Variants in ABLIM2 observed in about 807,000 individuals in gnomAD.
ABLIM2 encodes the protein actin binding LIM protein family member 2, also known as actin-binding LIM protein 2.
Under a neutral mutation model 97.7 loss-of-function variants are expected in ABLIM2, and 53 were observed. The observed-to-expected ratio is 0.54, with a 90% CI of 0.44 to 0.68. The LOEUF is 0.68. ABLIM2 is among the 30% of genes least tolerant of loss of function. ABLIM2 has a pLI of 0.00. For synonymous variants in ABLIM2, 361 were observed against 345.8 expected, an observed-to-expected ratio of 1.04 and a Z score of -0.49; for missense variants, 835 against 867.2, an observed-to-expected ratio of 0.96 and a Z score of 0.47.
In ABLIM2 at chr4:8,043,587, G is replaced by A. The variant is rs186337090; in HGVS notation, c.900+1577C>T. 3.3e-3 allele frequency among the ~76,000 whole-genome samples: 498 copies of A among 152,190 alleles called. 1 individual carries two copies. Among genetic ancestry groups the A allele is most frequent in the Non-Finnish European group, 5.5e-3 (371 of 68,004 alleles). ...TCCTTATGGGAAGAAATCAGGACCC[G>A]GATGCACACAGATGACCCGTGATGA... is the stretch of plus-strand genomic sequence containing the variant. On this transcript the variant is annotated intron_variant, in intron 9 of 20. Transcript: ENST00000447017. The surrounding 1 kb of genome is among the most constrained non-coding windows in gnomAD (Gnocchi z 4.8).
chr4:7,969,526 G>T (rs756255815), intron 20 of ABLIM2, among the ~76,000 whole-genome samples: 4 of 152,126 alleles, frequency 2.6e-5, no homozygotes, highest in Non-Finnish European at 5.9e-5. Flanking sequence ...GAAAATGGAA[G>T]TGGAGACATC....
At chr4:8,059,667 C>T (rs1049460945) in intron 7 of ABLIM2, among the ~76,000 whole-genome samples, 7 of 151,912 alleles carry the variant, frequency 4.6e-5, no homozygotes, top group African/African-American at 9.7e-5. Context: ...TTTGGGAGGC[C>T]GAGGCGGGCA....
intron 9 of ABLIM2, among the ~76,000 whole-genome samples, chr4:8,040,504 G>C (rs1255838685): frequency 6.6e-6 from 1 of 152,052 alleles, no homozygotes; most frequent in African/African-American, 2.4e-5. Context: ...TCACAGACTT[G>C]GGAGGCTGAG....
chr4:8,010,362 C>T (rs1764126781), intron 14 of ABLIM2: 20 of 985,632 alleles, frequency 2.0e-5, no homozygotes, highest in Non-Finnish European at 2.4e-5. Context: ...CACAAAAACC[C>T]GTCTCCGTCC....
rs955551308 is a variant in ABLIM2, at chr4:8,005,596, C to G, written c.1618+2463G>C. On this transcript the variant is annotated intron_variant, in intron 16 of 20. Transcript: ENST00000447017. The surrounding 1 kb of genome is among the most constrained non-coding windows in gnomAD (Gnocchi z 4.9). Reference sequence around the variant, plus strand: ...CTCCCTCTCAATCTCCATGTGCTCCCCTTCCCGCCTGGATTCCTCAGGAGG... The same window carrying G: ...CTCCCTCTCAATCTCCATGTGCTCCGCTTCCCGCCTGGATTCCTCAGGAGG... Among the ~76,000 whole-genome samples the G allele has an allele frequency of 6.6e-6, 1 of 152,176 alleles. No homozygotes were observed. Among genetic ancestry groups the G allele is most frequent in the African/African-American group, 2.4e-5 (1 of 41,454 alleles).
At chr4:7,984,697 C>T (rs563515349) in intron 18 of ABLIM2, 142 bp downstream of exon 18, 20 of 839,078 alleles carry the variant, frequency 2.4e-5, no homozygotes, top group Admixed American at 1.8e-4. Context: ...GAAACCAGCA[C>T]GCCCTCCCCC....
In ABLIM2 at chr4:8,033,129, C is replaced by T. The variant is rs542397235; in HGVS notation, c.1047+3020G>A. 1.3e-5 allele frequency among the ~76,000 whole-genome samples: 2 copies of T among 152,304 alleles called. No homozygotes were observed. Among genetic ancestry groups the T allele is most frequent in the South Asian group, 2.1e-4 (1 of 4,820 alleles). ...GCCTTTGGGTTGGAGACGGCTCTGC[C>T]GTGGGGGTCCTGGGGCCCTAGACAG... On this transcript the variant is annotated intron_variant, in intron 10 of 20. Coordinates refer to ENST00000447017, the MANE Select transcript of ABLIM2 (RefSeq NM_001130083.2). The surrounding 1 kb of genome is among the most constrained non-coding windows in gnomAD (Gnocchi z 4.5).
chr4:8,064,999 A>G (rs1424256520), intron 6 of ABLIM2, among the ~76,000 whole-genome samples: 1 of 152,212 alleles, frequency 6.6e-6, no homozygotes, highest in Non-Finnish European at 1.5e-5. Context: ...CCTGTAATCC[A>G]AGTGCTCTCA....
chr4:8,142,153 T>G (rs1266640385), intron 1 of ABLIM2, among the ~76,000 whole-genome samples: 1 of 152,224 alleles, frequency 6.6e-6, no homozygotes, highest in Non-Finnish European at 1.5e-5. Context: ...TAACCCTCTT[T>G]CCTGGATCTG....
rs190391422 is a variant in ABLIM2, at chr4:8,120,911, C to G, written c.11-14274G>C. On this transcript the variant is annotated intron_variant, in intron 1 of 20. Coordinates refer to ENST00000447017, the MANE Select transcript of ABLIM2 (RefSeq NM_001130083.2). This position sits in a 1 kb window ranked among gnomAD's most constrained non-coding sequence, Gnocchi z 5.6. Reference sequence around the variant, plus strand: ...ATGTTGACCGTCTCACGTAAGAGTACTGTACCGCAGATTGCTAGCTCAGAG... The same window carrying G: ...ATGTTGACCGTCTCACGTAAGAGTAGTGTACCGCAGATTGCTAGCTCAGAG... Among the ~76,000 whole-genome samples the G allele has an allele frequency of 7.2e-3, 1,104 of 152,352 alleles. 7 individuals are homozygous for G. Among genetic ancestry groups the G allele is most frequent in the Non-Finnish European group, 8.0e-3 (543 of 68,032 alleles).
At position 8,010,623 on chromosome 4, in the gene ABLIM2, C is replaced by T. The variant is rs534608107; in HGVS notation, c.1424-1521G>A. ...TACACTAACATCTCGTTACTCTCAA[C>T]GGCTACCTGTTTCTCCTTCTTCCAG... On this transcript the variant is annotated intron_variant, in intron 14 of 20. Transcript: ENST00000447017. The T allele has an allele frequency of 1.1e-4, 109 of 964,852 alleles. No homozygotes were observed. In the African/African-American group the frequency reaches 1.7e-3, roughly 15 times the overall value. 59.8% of individuals were successfully genotyped at this position (964,852 alleles called of 1,614,324 possible). A position where few individuals can be genotyped will look rare whatever the true frequency, so the allele number is the denominator to read the frequency against.
Position 8,120,079 on chromosome 4 carries a change from C to A in ABLIM2, c.11-13442G>T, listed in dbSNP as rs546089936. On this transcript the variant is annotated intron_variant, in intron 1 of 20. Coordinates refer to ENST00000447017, the MANE Select transcript of ABLIM2 (RefSeq NM_001130083.2). The surrounding 1 kb of genome is among the most constrained non-coding windows in gnomAD (Gnocchi z 5.6). ...CAGAGCGACAGGCACAGACGTCGGG[C>A]GGCAGGGTCCCTGGCGGCCCCCAGA... 6.6e-6 allele frequency among the ~76,000 whole-genome samples: 1 copy of A among 152,144 alleles called. No individual in the cohort carries two copies. The highest frequency in any genetic ancestry group is 2.4e-5 in the African/African-American group (1 of 41,432).
At chr4:8,156,263 G>A (rs1410991897) in intron 1 of ABLIM2, among the ~76,000 whole-genome samples, 1 of 151,718 alleles carries the variant, frequency 6.6e-6, no homozygotes, top group Non-Finnish European at 1.5e-5. Context: ...GACCACATGG[G>A]CTGCAGTGAG....
In ABLIM2 at chr4:8,097,913, C is replaced by T. The variant is rs369463683; in HGVS notation, c.155-631G>A. Among the ~76,000 whole-genome samples, 41 of 152,276 alleles carry T rather than the reference C, an allele frequency of 2.7e-4. No individual in the cohort carries two copies. In the South Asian group the frequency reaches 6.4e-3, roughly 24 times the overall value. On this transcript the variant is annotated intron_variant, in intron 2 of 20. Transcript: ENST00000447017. ...AGCCTGTGGACTCCTGAAAGGGAAG[C>T]ACTTTGTCTCTTTTCCCAACACACA...
chr4:8,144,318 G>A lies in ABLIM2; in HGVS notation c.10+14362C>T, dbSNP rs568613492. 8.5e-5 allele frequency among the ~76,000 whole-genome samples: 13 copies of A among 152,354 alleles called. No individual in the cohort carries two copies. In the East Asian group the frequency reaches 2.5e-3, roughly 29 times the overall value. ...GTCACATTTTAAGGAAGAAGAGAGAGAGACAGTTTCTAAGTCCCTTCCAGA... is the reference window on the plus strand; with the variant it reads ...GTCACATTTTAAGGAAGAAGAGAGAAAGACAGTTTCTAAGTCCCTTCCAGA... On this transcript the variant is annotated intron_variant, in intron 1 of 20. Coordinates refer to ENST00000447017, the MANE Select transcript of ABLIM2 (RefSeq NM_001130083.2).
At chr4:8,100,921 G>A (rs1365491005) in intron 2 of ABLIM2, among the ~76,000 whole-genome samples, 1 of 152,160 alleles carries the variant, frequency 6.6e-6, no homozygotes, top group Non-Finnish European at 1.5e-5. Flanking sequence ...TGAATGTGAG[G>A]AATCTGCATG....
intron 12 of ABLIM2, 54 bp downstream of exon 12, chr4:8,027,705 C>A: frequency 7.2e-7 from 1 of 1,390,532 alleles, no homozygotes; most frequent in Non-Finnish European, 9.6e-7. Flanking sequence ...AGCACACAGA[C>A]GCCGGGCGTG....
At position 8,054,308 on chromosome 4, in the gene ABLIM2, G is replaced by A; in HGVS notation, c.764-62C>T. On this transcript the variant is annotated intron_variant, in intron 7 of 20. Transcript: ENST00000447017. The surrounding 1 kb of genome is among the most constrained non-coding windows in gnomAD (Gnocchi z 4.9). ...TATTTCCCATGTTGCAGGGGCCTGT[G>A]TGGAAACGCAGAGGAGGGAGCTGGT... 1.3e-6 allele frequency: 2 copies of A among 1,571,312 alleles called. No individual in the cohort carries two copies. Among genetic ancestry groups the A allele is most frequent in the Non-Finnish European group, 1.7e-6 (2 of 1,143,884 alleles).
intron 20 of ABLIM2, among the ~76,000 whole-genome samples, chr4:7,983,009 T>C (rs13133269): frequency 0.069 from 10,564 of 152,242 alleles, 383 homozygotes; most frequent in Non-Finnish European, 0.08. Context: ...AGCCCAGAGC[T>C]CATTATTCTT....
Sources: allele counts gnomAD v4.1 joint callset (sites outside exome capture counted in the v4.1 genomes callset), GRCh38; gene constraint gnomAD v4.1.1; non-coding constraint Gnocchi (gnomAD v3.1); transcripts MANE v1.5; gene names NCBI Gene and HGNC (gene_info 2026-07-23, HGNC 2026-07-21).